The following CLSTN2 variants were observed in gnomAD, a reference collection of about 807,000 sequenced individuals.
The protein encoded by CLSTN2 is calsyntenin-2.
In CLSTN2, 48 loss-of-function variants were observed where a neutral mutation model predicts 101.2. That is an observed-to-expected ratio of 0.47 (90% CI 0.38 to 0.60). The LOEUF (loss-of-function observed/expected upper bound fraction) is 0.60. Among genes scored for constraint, CLSTN2 ranks in the 20% least tolerant of loss-of-function variants. The probability of loss-of-function intolerance (pLI) is 0.00; values close to 1 mark genes in which losing one functional copy is unlikely to be tolerated. For synonymous variants in CLSTN2, 481 were observed against 463.6 expected (o/e 1.04, Z -0.48); for missense variants, 1,160 against 1,238.2 (o/e 0.94, Z 0.95).
At chr3:140,165,891 A>G (rs951732681) in intron 1 of CLSTN2, among the ~76,000 whole-genome samples, 7 of 152,216 alleles carry the variant, frequency 4.6e-5, no homozygotes, top group African/African-American at 1.7e-4. Context: ...GAGAATAACT[A>G]TTGAAAGGCT....
rs547293389 is a variant in CLSTN2, at chr3:140,481,699, T to C, written c.1344+14968T>C. Among the ~76,000 whole-genome samples, 443 of 152,324 alleles carry C rather than the reference T, an allele frequency of 2.9e-3. 3 individuals carry two copies. Among genetic ancestry groups the C allele is most frequent in the African/African-American group, 1.0e-2 (414 of 41,578 alleles). On this transcript the variant is annotated intron_variant, in intron 8 of 16. Transcript: ENST00000458420. Reference sequence around the variant, plus strand: ...AGTTGGATTCCTAGGTATTTTATTCTCTTTGAAGCAATTGTGAATGGGAGT... The same window carrying C: ...AGTTGGATTCCTAGGTATTTTATTCCCTTTGAAGCAATTGTGAATGGGAGT...
chr3:139,999,787 G>A (rs540456434), intron 1 of CLSTN2, among the ~76,000 whole-genome samples: 1 of 152,012 alleles, frequency 6.6e-6, no homozygotes, highest in African/African-American at 2.4e-5. Flanking sequence ...GGTTTCATTT[G>A]CTGTGTGAAT....
intron 2 of CLSTN2, among the ~76,000 whole-genome samples, chr3:140,183,073 G>A (rs2010433299): frequency 6.6e-6 from 1 of 152,168 alleles, no homozygotes; most frequent in African/African-American, 2.4e-5. Context: ...TGGGTTTCAT[G>A]GTCTGATTGA....
intron 2 of CLSTN2, among the ~76,000 whole-genome samples, chr3:140,352,757 T>A (rs2087622992): frequency 6.6e-6 from 1 of 152,148 alleles, no homozygotes; most frequent in Non-Finnish European, 1.5e-5. Context: ...TTTCTCTAAC[T>A]GTTGGGGCCT....
At chr3:140,380,775 A>G (rs1343244520) in intron 2 of CLSTN2, among the ~76,000 whole-genome samples, 1 of 152,126 alleles carries the variant, frequency 6.6e-6, no homozygotes, top group Non-Finnish European at 1.5e-5. Context: ...ATACAGGGGG[A>G]TTACAGACAG....
At chr3:140,297,251 T>A (rs1272383606) in intron 2 of CLSTN2, among the ~76,000 whole-genome samples, 1 of 152,204 alleles carries the variant, frequency 6.6e-6, no homozygotes, top group East Asian at 1.9e-4. Flanking sequence ...GAAAGGCAAT[T>A]TTGCACAGAT....
intron 1 of CLSTN2, among the ~76,000 whole-genome samples, chr3:140,109,908 C>G (rs924162990): frequency 6.6e-6 from 1 of 152,136 alleles, no homozygotes; most frequent in Admixed American, 6.5e-5. Context: ...TTTTCCCCAT[C>G]ATCAGTGAAA....
intron 4 of CLSTN2, among the ~76,000 whole-genome samples, chr3:140,407,741 A>G (rs541776647): frequency 2.6e-5 from 4 of 152,158 alleles, no homozygotes; most frequent in Non-Finnish European, 5.9e-5. Context: ...TCTGCTAGCT[A>G]GTTTTTCTGA....
intron 4 of CLSTN2, among the ~76,000 whole-genome samples, chr3:140,407,524 C>T (rs2088317044): frequency 6.6e-6 from 1 of 152,096 alleles, no homozygotes; most frequent in South Asian, 2.1e-4. Flanking sequence ...TGTGAGTATT[C>T]AAGGAGAAGC....
chr3:139,963,106 G>C (rs1350020762), intron 1 of CLSTN2, among the ~76,000 whole-genome samples: 2 of 151,764 alleles, frequency 1.3e-5, no homozygotes, highest in African/African-American at 4.9e-5. Flanking sequence ...GGAGGAGGAG[G>C]GGGGCAGAGA....
At chr3:140,517,119 G>T (rs532425906) in intron 8 of CLSTN2, among the ~76,000 whole-genome samples, 2 of 152,186 alleles carry the variant, frequency 1.3e-5, no homozygotes, top group Admixed American at 1.3e-4. Context: ...CCATTCTACT[G>T]TTGAGACTTT....
chr3:140,354,851 A>G (rs1005924616), intron 2 of CLSTN2, among the ~76,000 whole-genome samples: 1 of 152,220 alleles, frequency 6.6e-6, no homozygotes, highest in South Asian at 2.1e-4. Context: ...CCGGGTCAAC[A>G]TTTACCTTTA....
chr3:140,094,223 T>C (rs1189988124), intron 1 of CLSTN2, among the ~76,000 whole-genome samples: 6 of 152,148 alleles, frequency 3.9e-5, no homozygotes, highest in Non-Finnish European at 7.3e-5. Flanking sequence ...TTTTTTCTAA[T>C]CCAGTGGGGT....
At chr3:140,158,403 A>T (rs185967241) in intron 1 of CLSTN2, among the ~76,000 whole-genome samples, 61 of 147,908 alleles carry the variant, frequency 4.1e-4, no homozygotes, top group African/African-American at 1.3e-3. Flanking sequence ...TATACCAATA[A>T]CATTCAAGCT....
chr3:140,526,341 A>G (rs1162976286), intron 8 of CLSTN2, among the ~76,000 whole-genome samples: 1 of 152,084 alleles, frequency 6.6e-6, no homozygotes, highest in African/African-American at 2.4e-5. Context: ...GAAATACCTA[A>G]GAATTCGTCT....
intron 1 of CLSTN2, among the ~76,000 whole-genome samples, chr3:140,142,337 C>A (rs569496199): frequency 6.6e-6 from 1 of 152,274 alleles, no homozygotes; most frequent in African/African-American, 2.4e-5. Context: ...AAAGGCCACT[C>A]ATAGAGGGAC....
intron 5 of CLSTN2, among the ~76,000 whole-genome samples, chr3:140,435,082 C>T (rs1007050554): frequency 1.3e-5 from 2 of 152,098 alleles, no homozygotes; most frequent in Admixed American, 6.5e-5. Flanking sequence ...AAATTGTATT[C>T]TTTAAGTTAC....
Position 140,566,646 on chromosome 3 carries a change from C to A in CLSTN2, c.*393C>A. The A allele has an allele frequency of 3.8e-6, 1 of 261,748 alleles. No individual in the cohort carries two copies. Among genetic ancestry groups the A allele is most frequent in the South Asian group, 6.1e-5 (1 of 16,366 alleles). The allele number at this position is 261,748 out of a possible 1,614,324, so 16.2% of individuals were successfully genotyped here. A position where few individuals can be genotyped will look rare whatever the true frequency, so the allele number is the denominator to read the frequency against. ...TGGGGTTCCAACTCACTGTGCGTCTCCTCCACACAGACCAGTAGGTTCTCC... is the reference window on the plus strand; with the variant it reads ...TGGGGTTCCAACTCACTGTGCGTCTACTCCACACAGACCAGTAGGTTCTCC... On this transcript the variant is annotated 3_prime_UTR_variant, in exon 17 of 17. Transcript: ENST00000458420.
intron 1 of CLSTN2, among the ~76,000 whole-genome samples, chr3:139,986,225 G>C (rs1184091281): frequency 1.3e-5 from 2 of 152,100 alleles, no homozygotes; most frequent in South Asian, 2.1e-4. Context: ...AGAGTGTATT[G>C]GATATTTTAA....
Sources: gnomAD v4.1 joint callset for allele counts (sites outside exome capture counted in the v4.1 genomes callset) on GRCh38, gnomAD v4.1.1 for gene constraint, MANE v1.5 for transcripts, NCBI Gene and HGNC (gene_info 2026-07-23, HGNC 2026-07-21) for gene names.